The following ROBO2 variants were observed in gnomAD, a reference collection of about 807,000 sequenced individuals.
ROBO2 encodes roundabout guidance receptor 2.
In ROBO2, 53 loss-of-function variants were observed where a neutral mutation model predicts 160.8. The ratio of observed to expected loss-of-function variants is 0.33; its 90% CI spans 0.26 to 0.41. ROBO2 has a LOEUF of 0.41. ROBO2 is among the 10% of genes least tolerant of loss of function. The probability of loss-of-function intolerance (pLI) is 1.00; values close to 1 mark genes in which losing one functional copy is unlikely to be tolerated. For missense variants in ROBO2, 1,577 were observed against 1,722.4 expected, an observed-to-expected ratio of 0.92 and a Z score of 1.49; for synonymous variants, 664 against 611.7, an observed-to-expected ratio of 1.09 and a Z score of -1.26.
intron 2 of ROBO2, among the ~76,000 whole-genome samples, chr3:77,177,789 C>T (rs1449925549): frequency 6.6e-6 from 1 of 151,916 alleles, no homozygotes; most frequent in Non-Finnish European, 1.5e-5. Context: ...TTACAAAGAC[C>T]ATGAATGATT....
chr3:76,952,507 C>T (rs532304748), intron 2 of ROBO2, among the ~76,000 whole-genome samples: 10 of 152,198 alleles, frequency 6.6e-5, no homozygotes, highest in Admixed American at 2.0e-4. Flanking sequence ...TGGTCTTGAT[C>T]TCTTGACCTC....
chr3:77,166,301 C>T (rs531813224), intron 2 of ROBO2, among the ~76,000 whole-genome samples: 1 of 152,138 alleles, frequency 6.6e-6, no homozygotes, highest in Non-Finnish European at 1.5e-5. Context: ...AAGAAACATT[C>T]TTCTACATAA....
intron 2 of ROBO2, among the ~76,000 whole-genome samples, chr3:77,422,842 A>G (rs2077835614): frequency 1.3e-5 from 2 of 152,184 alleles, no homozygotes; most frequent in African/African-American, 4.8e-5. Context: ...CCCTCATTTT[A>G]TGAATACTCA....
At chr3:77,248,665 G>C (rs888896424) in intron 2 of ROBO2, among the ~76,000 whole-genome samples, 1 of 152,162 alleles carries the variant, frequency 6.6e-6, no homozygotes, top group Admixed American at 6.5e-5. Flanking sequence ...AACCGAGTGA[G>C]TCCAGCGCGA....
chr3:77,101,827 G>A (rs915284444), intron 2 of ROBO2, among the ~76,000 whole-genome samples: 1 of 152,118 alleles, frequency 6.6e-6, no homozygotes, highest in South Asian at 2.1e-4. Flanking sequence ...ATCACTTGAG[G>A]CCAGGAGTTT....
chr3:77,002,014 A>C (rs1489859981), intron 2 of ROBO2, among the ~76,000 whole-genome samples: 1 of 152,268 alleles, frequency 6.6e-6, no homozygotes. Flanking sequence ...TTACTATATT[A>C]TTGGAGAGAG....
At chr3:76,418,490 C>T (rs866524482) in intron 2 of ROBO2, among the ~76,000 whole-genome samples, 1 of 152,262 alleles carries the variant, frequency 6.6e-6, no homozygotes, top group Middle Eastern at 3.4e-3. Flanking sequence ...CCACCCGCCT[C>T]GGCCTCCCAA....
chr3:76,451,027 C>CT (rs964237731), intron 2 of ROBO2, among the ~76,000 whole-genome samples: 15 of 152,222 alleles, frequency 9.9e-5, no homozygotes, highest in Admixed American at 5.2e-4. Context: ...TCCAGGGAGG[C>CT]TGTTCTCCAC....
chr3:75,933,738 T>G (rs1947642232), intron 1 of ROBO2, among the ~76,000 whole-genome samples: 1 of 152,112 alleles, frequency 6.6e-6, no homozygotes, highest in African/African-American at 2.4e-5. Context: ...AAGATCCACA[T>G]GACGAGTGGA....
chr3:77,532,893 TTGAG>T (rs1379578513), intron 6 of ROBO2, among the ~76,000 whole-genome samples: 7 of 152,060 alleles, frequency 4.6e-5, no homozygotes, highest in African/African-American at 7.2e-5. Flanking sequence ...CTGTGTTTCT[TTGAG>T]TAATTCTTGG....
chr3:77,459,958 C>T (rs1037252115), intron 2 of ROBO2, among the ~76,000 whole-genome samples: 2 of 149,372 alleles, frequency 1.3e-5, no homozygotes, highest in Non-Finnish European at 3.0e-5. Context: ...GTGGGGGGGT[C>T]CTTCGGAGAA....
intron 2 of ROBO2, among the ~76,000 whole-genome samples, chr3:77,124,813 G>T (rs1041410213): frequency 6.6e-6 from 1 of 151,780 alleles, no homozygotes; most frequent in African/African-American, 2.4e-5. Context: ...AGTTTCCAAG[G>T]TCTTACCCTC....
chr3:76,717,066 C>A (rs941211466), intron 2 of ROBO2, among the ~76,000 whole-genome samples: 1 of 152,068 alleles, frequency 6.6e-6, no homozygotes, highest in East Asian at 1.9e-4. Context: ...TGATATCTGG[C>A]GTAAGTTTTG....
At chr3:77,003,854 G>A (rs1048975795) in intron 2 of ROBO2, among the ~76,000 whole-genome samples, 1 of 152,108 alleles carries the variant, frequency 6.6e-6, no homozygotes, top group Non-Finnish European at 1.5e-5. Flanking sequence ...CGACATGGAG[G>A]TTCTTTAATC....
chr3:77,289,285 T>C (rs1372445673), intron 2 of ROBO2, among the ~76,000 whole-genome samples: 1 of 152,106 alleles, frequency 6.6e-6, no homozygotes, highest in Non-Finnish European at 1.5e-5. Flanking sequence ...AGACATAAAG[T>C]AAAATTGACG....
chr3:76,337,188 C>G (rs563996449), intron 2 of ROBO2, among the ~76,000 whole-genome samples: 1 of 152,074 alleles, frequency 6.6e-6, no homozygotes, highest in African/African-American at 2.4e-5. Flanking sequence ...CAAAATTGTT[C>G]ATCTTCCCTA....
intron 2 of ROBO2, among the ~76,000 whole-genome samples, chr3:76,252,792 CAG>C (rs1253780312): frequency 1.7e-4 from 24 of 144,772 alleles, no homozygotes; most frequent in East Asian, 4.3e-4. Flanking sequence ...CACACACACA[CAG>C]AGTTTTTTTG....
At chr3:76,624,516 G>A (rs1187161243) in intron 2 of ROBO2, among the ~76,000 whole-genome samples, 1 of 143,492 alleles carries the variant, frequency 7.0e-6, no homozygotes, top group African/African-American at 2.6e-5. Flanking sequence ...TCTTTATAGA[G>A]GCCGGGCGCG....
intron 2 of ROBO2, among the ~76,000 whole-genome samples, chr3:77,034,330 T>C (rs1025510376): frequency 1.3e-5 from 2 of 150,138 alleles, no homozygotes; most frequent in Middle Eastern, 3.2e-3. Flanking sequence ...TTACTTATAC[T>C]CCTGGCTGGC....
Sources: gnomAD v4.1 joint callset for allele counts (sites outside exome capture counted in the v4.1 genomes callset) on GRCh38, gnomAD v4.1.1 for gene constraint, MANE v1.5 for transcripts, NCBI Gene and HGNC (gene_info 2026-07-23, HGNC 2026-07-21) for gene names.